Variants in MAP2K5 observed in about 807,000 individuals in gnomAD.
MAP2K5 encodes the protein dual specificity mitogen-activated protein kinase kinase 5.
A neutral mutation model predicts 83.1 loss-of-function variants in MAP2K5; 49 were observed. That is an observed-to-expected ratio of 0.59 (90% confidence interval 0.47 to 0.75). The LOEUF (loss-of-function observed/expected upper bound fraction) is 0.75, where lower values mean the gene tolerates loss of function less well. MAP2K5 is among the 30% of genes least tolerant of loss of function. MAP2K5 has a pLI of 0.00. For missense variants in MAP2K5, 457 were observed against 557.5 expected (o/e 0.82, Z 1.82); for synonymous variants, 202 against 191.8 (o/e 1.05, Z -0.44).
intron 8 of MAP2K5, among the ~76,000 whole-genome samples, chr15:67,618,304 G>A (rs974406215): frequency 6.6e-6 from 1 of 152,140 alleles, no homozygotes; most frequent in Non-Finnish European, 1.5e-5. Flanking sequence ...GGGGTCTGTT[G>A]TTAGCTTACT....
chr15:67,785,485 C>T lies in MAP2K5; in HGVS notation c.1242+12733C>T, dbSNP rs2090400198. Among the ~76,000 whole-genome samples the T allele has an allele frequency of 6.6e-6, 1 of 152,160 alleles. No individual in the cohort carries two copies. The highest frequency in any genetic ancestry group is 1.5e-5 in the Non-Finnish European group (1 of 68,032). ...GTAGGGAATACAGAGGGCTATCAGACACTAATCCAGCAAACACAAATCCAT... is the reference window on the plus strand; with the variant it reads ...GTAGGGAATACAGAGGGCTATCAGATACTAATCCAGCAAACACAAATCCAT... On this transcript the variant is annotated intron_variant, in intron 21 of 21. Transcript: ENST00000178640. The surrounding 1 kb of genome is among the most constrained non-coding windows in gnomAD (Gnocchi z 4.4).
At position 67,652,153 on chromosome 15, in the gene MAP2K5, C is replaced by A. The variant is rs1252810273; in HGVS notation, c.736+5684C>A. Among the ~76,000 whole-genome samples, 1 of 152,058 alleles carries A rather than the reference C, an allele frequency of 6.6e-6. No homozygotes were observed. The highest frequency in any genetic ancestry group is 1.5e-5 in the Non-Finnish European group (1 of 68,012). ...TTTTTTCAAATGCCTTACGTTGATT[C>A]TTCTTTAAACATTTGATAGAATTCA... On this transcript the variant is annotated intron_variant, in intron 11 of 21. Transcript: ENST00000178640. This position sits in a 1 kb window ranked among gnomAD's most constrained non-coding sequence, Gnocchi z 4.2.
rs1369794985 is a variant in MAP2K5 at position 67,573,453 on chromosome 15, T to C, written c.253-7301T>C. ...TTTAAACCATCAGATCTCGTGAGAATCCACTCACTATCATGAGAACAGCAA... is the reference window on the plus strand; with the variant it reads ...TTTAAACCATCAGATCTCGTGAGAACCCACTCACTATCATGAGAACAGCAA... On this transcript the variant is annotated intron_variant, in intron 3 of 21. Coordinates refer to ENST00000178640, the MANE Select transcript of MAP2K5 (RefSeq NM_145160.3). This position sits in a 1 kb window ranked among gnomAD's most constrained non-coding sequence, Gnocchi z 4.2. 6.6e-6 allele frequency among the ~76,000 whole-genome samples: 1 copy of C among 151,958 alleles called. No homozygotes were observed. Among genetic ancestry groups the C allele is most frequent in the African/African-American group, 2.4e-5 (1 of 41,340 alleles).
chr15:67,803,606 C>T (rs971178257), intron 21 of MAP2K5, among the ~76,000 whole-genome samples: 11 of 152,166 alleles, frequency 7.2e-5, no homozygotes, highest in Non-Finnish European at 1.3e-4. Flanking sequence ...CTCCCTGGGC[C>T]TCAGTGTCCT....
intron 21 of MAP2K5, among the ~76,000 whole-genome samples, chr15:67,788,759 C>T (rs4776971): frequency 3.3e-5 from 5 of 151,732 alleles, no homozygotes; most frequent in Non-Finnish European, 7.4e-5. Context: ...GGATCACTTT[C>T]GCCCAGGAGT....
At chr15:67,669,938 CTAGA>C (rs2087484725) in intron 13 of MAP2K5, among the ~76,000 whole-genome samples, 1 of 152,098 alleles carries the variant, frequency 6.6e-6, no homozygotes, top group Admixed American at 6.6e-5. Flanking sequence ...AATCCCCTTC[CTAGA>C]TATTTACCTA....
In MAP2K5 at chr15:67,807,109, G is replaced by T; in HGVS notation, c.*359G>T. On this transcript the variant is annotated 3_prime_UTR_variant, in exon 22 of 22. Transcript: ENST00000178640. The surrounding 1 kb of genome is among the most constrained non-coding windows in gnomAD (Gnocchi z 5.1). ...ATGGGAATAAAAGTATTAATGCTTT[G>T]TGACAGCCTCTGCCATAAGAGTTGT... 1.8e-6 allele frequency: 1 copy of T among 548,558 alleles called. No individual in the cohort carries two copies. The highest frequency in any genetic ancestry group is 2.8e-6 in the Non-Finnish European group (1 of 354,126). 34.0% of individuals were successfully genotyped at this position (548,558 alleles called of 1,614,324 possible).
intron 1 of MAP2K5, among the ~76,000 whole-genome samples, chr15:67,548,108 C>T (rs2084433622): frequency 6.6e-6 from 1 of 152,180 alleles, no homozygotes; most frequent in African/African-American, 2.4e-5. Flanking sequence ...TGCCACTGAG[C>T]AGGTTTTCAG....
rs2088996140 is a variant in MAP2K5, at chr15:67,722,869, A to G, written c.1045-5047A>G. 6.6e-6 allele frequency among the ~76,000 whole-genome samples: 1 copy of G among 152,252 alleles called. No homozygotes were observed. Among genetic ancestry groups the G allele is most frequent in the Admixed American group, 6.5e-5 (1 of 15,286 alleles). Reference sequence around the variant, plus strand: ...AAGGTAATTAAGAACAAATTTTAGAACATTTCAGACTATAAAGTTGTCATT... The same window carrying G: ...AAGGTAATTAAGAACAAATTTTAGAGCATTTCAGACTATAAAGTTGTCATT... On this transcript the variant is annotated intron_variant, in intron 16 of 21. Coordinates refer to ENST00000178640, the MANE Select transcript of MAP2K5 (RefSeq NM_145160.3). This position sits in a 1 kb window ranked among gnomAD's most constrained non-coding sequence, Gnocchi z 4.2.
chr15:67,568,778 G>A (rs991560158), intron 3 of MAP2K5, among the ~76,000 whole-genome samples: 41 of 151,830 alleles, frequency 2.7e-4, no homozygotes, highest in African/African-American at 3.4e-4. Context: ...AGGCTGAGGC[G>A]GGCGGATCAT....
intron 16 of MAP2K5, among the ~76,000 whole-genome samples, chr15:67,727,662 G>A (rs1482213773): frequency 1.3e-5 from 2 of 152,066 alleles, no homozygotes; most frequent in Admixed American, 1.3e-4. Flanking sequence ...TATTACTAAG[G>A]GAAACCACAT....
intron 11 of MAP2K5, among the ~76,000 whole-genome samples, 182 bp from the exon 12 acceptor site, chr15:67,658,371 A>G (rs2087141533): frequency 6.6e-6 from 1 of 152,162 alleles, no homozygotes; most frequent in African/African-American, 2.4e-5. Context: ...ATATCTAGTT[A>G]TACTTCATCA....
chr15:67,788,632 T>A (rs947964075), intron 21 of MAP2K5, among the ~76,000 whole-genome samples: 3 of 152,182 alleles, frequency 2.0e-5, no homozygotes, highest in African/African-American at 7.2e-5. Flanking sequence ...TAAGCAATGT[T>A]TATTCCTGCC....
intron 9 of MAP2K5, among the ~76,000 whole-genome samples, chr15:67,634,367 C>A (rs2086543766): frequency 6.2e-5 from 3 of 48,584 alleles, no homozygotes; most frequent in Non-Finnish European, 8.1e-5. Flanking sequence ...GACCTCATCT[C>A]AAAAAAAAAA....
intron 21 of MAP2K5, among the ~76,000 whole-genome samples, chr15:67,789,090 T>C (rs561241315): frequency 6.6e-6 from 1 of 152,324 alleles, no homozygotes; most frequent in African/African-American, 2.4e-5. Flanking sequence ...TAATAGTAGC[T>C]TGGGTATCCT....
chr15:67,642,541 AAGAT>A, intron 9 of MAP2K5: 1 of 1,115,046 alleles, frequency 9.0e-7, no homozygotes, highest in Non-Finnish European at 1.4e-6. Flanking sequence ...CTGGGTCTAA[AAGAT>A]AGAACAGGTT....
Position 67,774,262 on chromosome 15 carries a change from C to T in MAP2K5, c.1242+1510C>T, listed in dbSNP as rs2090198703. Among the ~76,000 whole-genome samples the T allele has an allele frequency of 6.6e-6, 1 of 151,900 alleles. No homozygotes were observed. The highest frequency in any genetic ancestry group is 2.1e-4 in the South Asian group (1 of 4,816). On this transcript the variant is annotated intron_variant, in intron 21 of 21. Transcript: ENST00000178640. This position sits in a 1 kb window ranked among gnomAD's most constrained non-coding sequence, Gnocchi z 4.9. ...AACTCTATACCCTGTTGTGTGCTGT[C>T]CCACATTTTAAATTAATAAATATCA...
chr15:67,806,878 ACCTCTGTCAGCAGGTGG>A lies in MAP2K5; in HGVS notation c.*132_*148del. 1 of 1,594,486 alleles carries A rather than the reference ACCTCTGTCAGCAGGTGG, an allele frequency of 6.3e-7. No homozygotes were observed. Among genetic ancestry groups the A allele is most frequent in the East Asian group, 2.2e-5 (1 of 44,748 alleles). ...CCCTGGCTTCCCTGCCCTCGCCTTC[ACCTCTGTCAGCAGGTGG>A]CCTTGCCTGGGGAGCCCCATGTGTG... On this transcript the variant is annotated 3_prime_UTR_variant, in exon 22 of 22. Coordinates refer to ENST00000178640, the MANE Select transcript of MAP2K5 (RefSeq NM_145160.3).
rs1233083947 is a variant in MAP2K5 at position 67,779,606 on chromosome 15, G to T, written c.1242+6854G>T. 6.6e-6 allele frequency among the ~76,000 whole-genome samples: 1 copy of T among 152,224 alleles called. No homozygotes were observed. The highest frequency in any genetic ancestry group is 1.5e-5 in the Non-Finnish European group (1 of 68,032). On this transcript the variant is annotated intron_variant, in intron 21 of 21. Coordinates refer to ENST00000178640, the MANE Select transcript of MAP2K5 (RefSeq NM_145160.3). This position sits in a 1 kb window ranked among gnomAD's most constrained non-coding sequence, Gnocchi z 4.6. The stretch of plus-strand genomic sequence containing the variant: ...GTGATCTGACAGTTTTAATCTCCCA[G>T]TTAAGCATAGCTTTTTTCCTCCATC...
Sources: allele counts gnomAD v4.1 joint callset (sites outside exome capture counted in the v4.1 genomes callset), GRCh38; gene constraint gnomAD v4.1.1; non-coding constraint Gnocchi (gnomAD v3.1); transcripts MANE v1.5; gene names NCBI Gene and HGNC (gene_info 2026-07-23, HGNC 2026-07-21).